Variants in PCDHGA8 observed in about 807,000 individuals in gnomAD.
The protein encoded by PCDHGA8 is protocadherin gamma-A8.
In PCDHGA8, 45 loss-of-function variants were observed where a neutral mutation model predicts 59.2. The ratio of observed to expected loss-of-function variants is 0.76; its 90% confidence interval spans 0.60 to 0.98. The LOEUF is 0.98. PCDHGA8 is among the 50% of genes least tolerant of loss of function. The probability of loss-of-function intolerance (pLI) is 0.00; values close to 1 mark genes in which losing one functional copy is unlikely to be tolerated. For missense variants in PCDHGA8, 1,257 were observed against 1,196.2 expected (o/e 1.05, Z -0.75); for synonymous variants, 531 against 519.0 (o/e 1.02, Z -0.32).
chr5:141,417,550 A>G, intron 1 of PCDHGA8: 1 of 326,094 alleles, frequency 3.1e-6, no homozygotes, highest in Non-Finnish European at 5.5e-6. Flanking sequence ...ATTCCTTGAA[A>G]GAGGTAGAGA....
Position 141,432,298 on chromosome 5 carries a change from A to T in PCDHGA8, c.2424+37061A>T. Reference sequence around the variant, plus strand: ...TGTCCATCAACTCCGACACTGGGGTACTGTATGCGCTGAGCTCCTTCGACT... The same window carrying T: ...TGTCCATCAACTCCGACACTGGGGTTCTGTATGCGCTGAGCTCCTTCGACT... On this transcript the variant is annotated intron_variant, in intron 1 of 3. Transcript: ENST00000398604. The surrounding 1 kb of genome is among the most constrained non-coding windows in gnomAD (Gnocchi z 6.0). The T allele has an allele frequency of 6.2e-7, 1 of 1,614,236 alleles. No homozygotes were observed. Among genetic ancestry groups the T allele is most frequent in the Non-Finnish European group, 8.5e-7 (1 of 1,180,036 alleles).
chr5:141,421,410 G>A lies in PCDHGA8; in HGVS notation c.2424+26173G>A, dbSNP rs538537555. On this transcript the variant is annotated intron_variant, in intron 1 of 3. Transcript: ENST00000398604. ...TGGGGCTGGAGCCCCGGGAGCTGGCGAAGCGCGGAGTCCGCATCGTCTCCA... is the reference window on the plus strand; with the variant it reads ...TGGGGCTGGAGCCCCGGGAGCTGGCAAAGCGCGGAGTCCGCATCGTCTCCA... The A allele has an allele frequency of 3.7e-6, 6 of 1,614,084 alleles. No homozygotes were observed. In the African/African-American group the frequency reaches 6.7e-5, roughly 18 times the overall value.
chr5:141,395,528 A>T, intron 1 of PCDHGA8: 1 of 368,434 alleles, frequency 2.7e-6, no homozygotes, highest in Non-Finnish European at 4.9e-6. Flanking sequence ...CCATACTGGT[A>T]ATTTTGCTAT....
At position 141,489,985 on chromosome 5, in the gene PCDHGA8, G is replaced by A. The variant is rs761481986; in HGVS notation, c.2425-4822G>A. ...AACCTTCCAATCCTCAGTTCTACGT[G>A]TGGGAATCCCAGAGAATGCACCCAT... On this transcript the variant is annotated intron_variant, in intron 1 of 3. Transcript: ENST00000398604. The surrounding 1 kb of genome is among the most constrained non-coding windows in gnomAD (Gnocchi z 4.5). The A allele has an allele frequency of 1.2e-6, 2 of 1,614,094 alleles. No homozygotes were observed. Among genetic ancestry groups the A allele is most frequent in the African/African-American group, 2.7e-5 (2 of 74,946 alleles).
chr5:141,478,011 G>A (rs1216659966), intron 1 of PCDHGA8: 1 of 1,614,088 alleles, frequency 6.2e-7, no homozygotes, highest in East Asian at 2.2e-5. Flanking sequence ...AGTACTGCCC[G>A]TCCAGTCCAA....
intron 1 of PCDHGA8, chr5:141,402,990 T>A (rs773089843): frequency 1.6e-5 from 26 of 1,611,934 alleles, no homozygotes; most frequent in Non-Finnish European, 2.0e-5. Context: ...CGCGGAAGAT[T>A]AGTCCTGCTA....
At chr5:141,407,960 C>T in intron 1 of PCDHGA8, 1 of 669,186 alleles carries the variant, frequency 1.5e-6, no homozygotes, top group Non-Finnish European at 2.4e-6. Flanking sequence ...CAGTGCAGAG[C>T]AAGCGCTGAC....
At chr5:141,407,978 A>T (rs1354199341) in intron 1 of PCDHGA8, 8 of 743,974 alleles carry the variant, frequency 1.1e-5, no homozygotes, top group Non-Finnish European at 1.4e-5. Flanking sequence ...GACGCCGGGG[A>T]TCCGTCAGCC....
intron 1 of PCDHGA8, chr5:141,427,865 G>T: frequency 6.4e-7 from 1 of 1,558,148 alleles, no homozygotes; most frequent in Non-Finnish European, 8.8e-7. Context: ...GCGCCTTCGA[G>T]CTCACGATGC....
intron 3 of PCDHGA8, among the ~76,000 whole-genome samples, chr5:141,507,673 G>A (rs184362608): frequency 6.6e-5 from 10 of 152,368 alleles, no homozygotes; most frequent in Admixed American, 2.6e-4. Context: ...AAATCCAGAT[G>A]TTAAAAACAG....
At chr5:141,438,591 CATATATATATATATATAT>C (rs946798767) in intron 1 of PCDHGA8, among the ~76,000 whole-genome samples, 2 of 75,562 alleles carry the variant, frequency 2.6e-5, no homozygotes, top group Non-Finnish European at 5.4e-5. Context: ...TACATACATA[CATATATATATATATATAT>C]ATATATATAT....
At chr5:141,438,591 C>CATATATATATATAT (rs946798767) in intron 1 of PCDHGA8, among the ~76,000 whole-genome samples, 3 of 75,556 alleles carry the variant, frequency 4.0e-5, no homozygotes, top group Non-Finnish European at 8.0e-5. Context: ...TACATACATA[C>CATATATATATATAT]ATATATATAT....
At chr5:141,456,224 A>ACT (rs1167290500) in intron 1 of PCDHGA8, among the ~76,000 whole-genome samples, 1 of 152,034 alleles carries the variant, frequency 6.6e-6, no homozygotes, top group Non-Finnish European at 1.5e-5. Context: ...GCGATATCAA[A>ACT]CTAACTGCTG....
intron 1 of PCDHGA8, chr5:141,404,970 C>G: frequency 6.2e-7 from 1 of 1,614,058 alleles, no homozygotes; most frequent in East Asian, 2.2e-5. Context: ...GACATCCTGG[C>G]TGACCTGGGC....
At chr5:141,442,664 G>A (rs1289986124) in intron 1 of PCDHGA8, among the ~76,000 whole-genome samples, 2 of 152,342 alleles carry the variant, frequency 1.3e-5, no homozygotes, top group East Asian at 1.9e-4. Flanking sequence ...TATTTGGCAT[G>A]GTGAGCTTGA....
intron 1 of PCDHGA8, chr5:141,427,247 T>C (rs1409945260): frequency 2.2e-6 from 1 of 456,582 alleles, no homozygotes; most frequent in Non-Finnish European, 4.4e-6. Context: ...AAGCTAAGGA[T>C]GGTGGAGGCA....
At position 141,476,395 on chromosome 5, in the gene PCDHGA8, T is replaced by C. The variant is rs545562470; in HGVS notation, c.2425-18412T>C. 4 of 1,614,020 alleles carry C rather than the reference T, an allele frequency of 2.5e-6. 1 individual carries two copies. In the South Asian group the frequency reaches 4.4e-5, roughly 18 times the overall value. On this transcript the variant is annotated intron_variant, in intron 1 of 3. Transcript: ENST00000398604. This position sits in a 1 kb window ranked among gnomAD's most constrained non-coding sequence, Gnocchi z 7.6. ...AGATGTTTGTGAACGACCGTCTGGATCGAGAGGAGCTGTGTGGGACACTGC... is the reference window on the plus strand; with the variant it reads ...AGATGTTTGTGAACGACCGTCTGGACCGAGAGGAGCTGTGTGGGACACTGC...
In PCDHGA8 at chr5:141,431,265, G is replaced by T; in HGVS notation, c.2424+36028G>T. On this transcript the variant is annotated intron_variant, in intron 1 of 3. Transcript: ENST00000398604. The surrounding 1 kb of genome is among the most constrained non-coding windows in gnomAD (Gnocchi z 4.8). ...GATATCGGGAAGAACTCTCTGCAGAGCTACGAGCTCAGCCCGAACACTCAC... is the reference window on the plus strand; with the variant it reads ...GATATCGGGAAGAACTCTCTGCAGATCTACGAGCTCAGCCCGAACACTCAC... 1 of 1,614,168 alleles carries T rather than the reference G, an allele frequency of 6.2e-7. No homozygotes were observed. The highest frequency in any genetic ancestry group is 8.5e-7 in the Non-Finnish European group (1 of 1,180,054).
rs746318177 is a variant in PCDHGA8 at position 141,431,715 on chromosome 5, T to G, written c.2424+36478T>G. On this transcript the variant is annotated intron_variant, in intron 1 of 3. Coordinates refer to ENST00000398604, the MANE Select transcript of PCDHGA8 (RefSeq NM_032088.2). The surrounding 1 kb of genome is among the most constrained non-coding windows in gnomAD (Gnocchi z 4.8). Reference sequence around the variant, plus strand: ...GAGTCAGGATTCTACCAGATGGAAGTGCAAGCAATGGATAATGCAGGATAT... The same window carrying G: ...GAGTCAGGATTCTACCAGATGGAAGGGCAAGCAATGGATAATGCAGGATAT... 5.6e-6 allele frequency: 9 copies of G among 1,614,178 alleles called. No homozygotes were observed. The highest frequency in any genetic ancestry group is 6.8e-6 in the Non-Finnish European group (8 of 1,180,042).
Sources: gnomAD v4.1 joint callset for allele counts (sites outside exome capture counted in the v4.1 genomes callset) on GRCh38, gnomAD v4.1.1 for gene constraint, Gnocchi (gnomAD v3.1) non-coding constraint, MANE v1.5 for transcripts, NCBI Gene and HGNC (gene_info 2026-07-23, HGNC 2026-07-21) for gene names.